DIAPH1: variants seen among roughly 807,000 people sequenced by gnomAD.
The protein encoded by DIAPH1 is protein diaphanous homolog 1.
A neutral mutation model predicts 140.7 loss-of-function variants in DIAPH1; 46 were observed. The observed-to-expected ratio is 0.33, with a 90% CI of 0.26 to 0.42. The LOEUF (loss-of-function observed/expected upper bound fraction) is 0.42. DIAPH1 is among the 10% of genes least tolerant of loss of function. DIAPH1 has a pLI of 1.00. For synonymous variants in DIAPH1, 565 were observed against 551.6 expected (o/e 1.02, Z -0.34); for missense variants, 1,310 against 1,558.7 (o/e 0.84, Z 2.69).
At chr5:141,568,187 G>T (rs1229105832) in intron 18 of DIAPH1, among the ~76,000 whole-genome samples, 1 of 150,834 alleles carries the variant, frequency 6.6e-6, no homozygotes, top group Non-Finnish European at 1.5e-5. Context: ...AGACAGCGAA[G>T]AGAAGAAATG....
chr5:141,516,812 C>T lies in DIAPH1; in HGVS notation c.*39G>A, dbSNP rs375612034. On this transcript the variant is annotated 3_prime_UTR_variant, in exon 28 of 28. Coordinates refer to ENST00000389054, the MANE Select transcript of DIAPH1 (RefSeq NM_005219.5). ...ACATGCTGCAGGGCAGGACAGTCTG[C>T]GGCTCCGCTGAGGAGCTGCCGCGGT... 2.8e-5 allele frequency: 45 copies of T among 1,611,894 alleles called. No homozygotes were observed. Among genetic ancestry groups the T allele is most frequent in the Admixed American group, 1.0e-4 (6 of 59,952 alleles).
At chr5:141,599,170 A>G (rs1394049342) in intron 1 of DIAPH1, among the ~76,000 whole-genome samples, 2 of 152,210 alleles carry the variant, frequency 1.3e-5, no homozygotes, top group Non-Finnish European at 1.5e-5. Context: ...GGGATCTAAA[A>G]AGAGAGTATG....
chr5:141,524,248 T>A lies in DIAPH1; in HGVS notation c.3575-19A>T. The A allele has an allele frequency of 6.2e-7, 1 of 1,609,192 alleles. No homozygotes were observed. The highest frequency in any genetic ancestry group is 8.5e-7 in the Non-Finnish European group (1 of 1,175,412). The stretch of plus-strand genomic sequence containing the variant: ...TCGCCCTCTGTTATAAAGAACAAGA[T>A]GGAGATGTGAACTCTTCAGCCAGAG... On this transcript the variant is annotated intron_variant, in intron 26 of 27. Coordinates refer to ENST00000389054, the MANE Select transcript of DIAPH1 (RefSeq NM_005219.5).
At chr5:141,583,394 C>A in intron 5 of DIAPH1, 91 bp downstream of exon 5, 1 of 1,609,762 alleles carries the variant, frequency 6.2e-7, no homozygotes, top group South Asian at 1.1e-5. Context: ...TCAGACTATT[C>A]TCATGCTTCC....
At chr5:141,591,695 GATATAT>G (rs56117502) in intron 1 of DIAPH1, among the ~76,000 whole-genome samples, 3,238 of 86,350 alleles carry the variant, frequency 0.037, 195 homozygotes, top group East Asian at 0.063. Context: ...GGGAGATGGG[GATATAT>G]ATATATATAT....
intron 18 of DIAPH1, among the ~76,000 whole-genome samples, chr5:141,571,215 C>T (rs138245113): frequency 2.0e-3 from 312 of 152,224 alleles, no homozygotes; most frequent in African/African-American, 6.8e-3. Context: ...GGTAGTTTAA[C>T]GGGAAGCAAA....
intron 8 of DIAPH1, among the ~76,000 whole-genome samples, chr5:141,580,006 T>TAA (rs2099896514): frequency 6.8e-6 from 1 of 147,614 alleles, no homozygotes; most frequent in Non-Finnish European, 1.5e-5. Context: ...AATTGTTAAA[T>TAA]AAATTATAGG....
Position 141,576,107 on chromosome 5 carries a change from T to TAC in DIAPH1, c.1461+121_1461+122dup, listed in dbSNP as rs1196044665. On this transcript the variant is annotated intron_variant, in intron 14 of 27. Transcript: ENST00000389054. ...TACTGGAAAGGTTTCCCCTGGGAAC[T>TAC]ACACTATTGGGTGCTAAACGCTTCC... 4 of 816,426 alleles carry TAC rather than the reference T, an allele frequency of 4.9e-6. No individual in the cohort carries two copies. The Admixed American group carries it at 7.7e-5, about 16-fold the overall frequency. 50.6% of individuals were successfully genotyped at this position (816,426 alleles called of 1,614,324 possible).
At chr5:141,578,698 A>G in intron 9 of DIAPH1, 73 bp from the exon 10 acceptor site, 1 of 1,140,122 alleles carries the variant, frequency 8.8e-7, no homozygotes, top group Non-Finnish European at 1.3e-6. Context: ...CTTTACATGC[A>G]TTCTTAGGTC....
chr5:141,552,407 T>C (rs1318459756), intron 18 of DIAPH1, among the ~76,000 whole-genome samples: 1 of 152,082 alleles, frequency 6.6e-6, no homozygotes, highest in Admixed American at 6.5e-5. Flanking sequence ...AGAGGACATG[T>C]GATGACAGAA....
At chr5:141,573,327 C>T (rs776759423) in intron 16 of DIAPH1, among the ~76,000 whole-genome samples, 165 bp downstream of exon 16, 19 of 149,946 alleles carry the variant, frequency 1.3e-4, no homozygotes, top group Non-Finnish European at 1.6e-4. Flanking sequence ...CCCAGCTACA[C>T]GGGAGGCTGA....
At chr5:141,519,414 A>G (rs1259782984) in intron 27 of DIAPH1, among the ~76,000 whole-genome samples, 1 of 152,168 alleles carries the variant, frequency 6.6e-6, no homozygotes, top group Non-Finnish European at 1.5e-5. Context: ...AGTGGTATAT[A>G]TATGTTGAAA....
chr5:141,613,916 C>T (rs1486368693), intron 1 of DIAPH1, among the ~76,000 whole-genome samples: 4 of 152,118 alleles, frequency 2.6e-5, no homozygotes, highest in East Asian at 3.8e-4. Flanking sequence ...CTATTCATAG[C>T]GCTCAAATCA....
At position 141,516,813 on chromosome 5, in the gene DIAPH1, G is replaced by A. The variant is rs368620770; in HGVS notation, c.*38C>T. 1.9e-5 allele frequency: 31 copies of A among 1,612,446 alleles called. No homozygotes were observed. Among genetic ancestry groups the A allele is most frequent in the African/African-American group, 4.0e-5 (3 of 74,918 alleles). ...CATGCTGCAGGGCAGGACAGTCTGC[G>A]GCTCCGCTGAGGAGCTGCCGCGGTC... On this transcript the variant is annotated 3_prime_UTR_variant, in exon 28 of 28. Coordinates refer to ENST00000389054, the MANE Select transcript of DIAPH1 (RefSeq NM_005219.5).
chr5:141,577,325 G>C, intron 12 of DIAPH1, 150 bp downstream of exon 12: 1 of 729,036 alleles, frequency 1.4e-6, no homozygotes, highest in South Asian at 1.4e-5. Flanking sequence ...AAAGAAATAA[G>C]ACAACTTCCT....
At chr5:141,615,425 G>A (rs1275988236) in intron 1 of DIAPH1, among the ~76,000 whole-genome samples, 3 of 84,070 alleles carry the variant, frequency 3.6e-5, no homozygotes, top group Non-Finnish European at 6.7e-5. Context: ...AGCAAGACTC[G>A]TCTCAGAAAA....
At chr5:141,568,258 G>A (rs981576507) in intron 18 of DIAPH1, among the ~76,000 whole-genome samples, 1 of 146,878 alleles carries the variant, frequency 6.8e-6, no homozygotes, top group African/African-American at 2.5e-5. Flanking sequence ...GGCTACTACA[G>A]CAATGAAAAT....
intron 18 of DIAPH1, among the ~76,000 whole-genome samples, chr5:141,536,848 A>G (rs1042073423): frequency 6.6e-6 from 1 of 152,134 alleles, no homozygotes; most frequent in Non-Finnish European, 1.5e-5. Context: ...CAGGAGATGA[A>G]GTGAGAGAAG....
intron 1 of DIAPH1, among the ~76,000 whole-genome samples, chr5:141,606,041 T>C (rs1287635730): frequency 6.6e-6 from 1 of 152,034 alleles, no homozygotes; most frequent in Non-Finnish European, 1.5e-5. Context: ...ACTAAAAATA[T>C]CCCTCTAGGC....
Sources: allele counts gnomAD v4.1 joint callset (sites outside exome capture counted in the v4.1 genomes callset), GRCh38; gene constraint gnomAD v4.1.1; transcripts MANE v1.5; gene names NCBI Gene and HGNC (gene_info 2026-07-23, HGNC 2026-07-21).